SGSM1: variants seen among roughly 807,000 people sequenced by gnomAD.
The protein encoded by SGSM1 is small G protein signaling modulator 1.
Under a neutral mutation model 133.8 loss-of-function variants are expected in SGSM1, and 73 were observed. The observed-to-expected ratio is 0.55, with a 90% CI of 0.45 to 0.66. SGSM1 has a LOEUF of 0.66. Ranked by LOEUF, SGSM1 falls within the 30% of genes least tolerant of loss-of-function variation. The pLI is 0.00. For synonymous variants in SGSM1, 563 were observed against 573.0 expected (o/e 0.98, Z 0.25); for missense variants, 1,213 against 1,448.1 (o/e 0.84, Z 2.64).
At chr22:24,900,392 T>TTTCTTTCTTTCTTTC (rs1933105499) in intron 19 of SGSM1, among the ~76,000 whole-genome samples, 1 of 76,518 alleles carries the variant, frequency 1.3e-5, no homozygotes, top group African/African-American at 4.2e-5. Context: ...TCTTTCTTTC[T>TTTCTTTCTTTCTTTC]TTCTTTCTTT....
At chr22:24,881,202 A>AC in intron 14 of SGSM1, among the ~76,000 whole-genome samples, 1 of 140,790 alleles carries the variant, frequency 7.1e-6, no homozygotes, top group Non-Finnish European at 1.5e-5. Context: ...CAAAAAAAAA[A>AC]AAAAAAAAAA....
At position 24,893,433 on chromosome 22, in the gene SGSM1, G is replaced by A. The variant is rs2123694316; in HGVS notation, c.1773G>A (p.Val591=). 2.5e-6 allele frequency: 4 copies of A among 1,613,550 alleles called. No individual in the cohort carries two copies. Among genetic ancestry groups the A allele is most frequent in the Admixed American group, 1.7e-5 (1 of 59,936 alleles). The change falls in exon 17 of 25, where the codon GTG becomes GTA. Residue 591 remains valine (V), a splice_region_variant and synonymous_variant. Coordinates refer to ENST00000400358, the MANE Select transcript of SGSM1 (RefSeq NM_001098497.3). ...TGACATTGCATCTGCCCTGGCAGGT[G>A]GACGAGCAGATTCATGCCTGCTATG... The part of the protein sequence containing the change: ...FGMTETERKE[V]DEQIHACYAQ...
At chr22:24,899,006 A>G (rs1162346445) in intron 19 of SGSM1, among the ~76,000 whole-genome samples, 1 of 141,716 alleles carries the variant, frequency 7.1e-6, no homozygotes, top group Non-Finnish European at 1.5e-5. Flanking sequence ...CAGCCTGGAC[A>G]ACAGAGCAAG....
At chr22:24,859,509 A>T (rs1402821232) in intron 8 of SGSM1, 1 of 665,976 alleles carries the variant, frequency 1.5e-6, no homozygotes, top group Non-Finnish European at 2.7e-6. Flanking sequence ...GACGATGTAG[A>T]ACCCATTTGG....
chr22:24,925,737 A>C lies in SGSM1; in HGVS notation c.*1463A>C, dbSNP rs188171767. On this transcript the variant is annotated 3_prime_UTR_variant, in exon 25 of 25. Transcript: ENST00000400358. ...GTTACTCACTCAGGACAAAGGAGGA[A>C]AAGGAAGGCAGAGGTCAGCCAGGGT... is the stretch of plus-strand genomic sequence containing the variant. 3 of 152,426 alleles carry C rather than the reference A, an allele frequency of 2.0e-5. No individual in the cohort carries two copies. The highest frequency in any genetic ancestry group is 7.2e-5 in the African/African-American group (3 of 41,554). The allele number at this position is 152,426 out of a possible 1,614,324, so 9.4% of individuals were successfully genotyped here.
In SGSM1 at chr22:24,897,586, G is replaced by GC. The variant is rs200525781; in HGVS notation, c.2023-382dup. Among the ~76,000 whole-genome samples the GC allele has an allele frequency of 6.1e-3, 925 of 152,170 alleles. 6 individuals carry two copies. The highest frequency in any genetic ancestry group is 9.5e-3 in the Non-Finnish European group (645 of 67,996). On this transcript the variant is annotated intron_variant, in intron 18 of 24. Coordinates refer to ENST00000400358, the MANE Select transcript of SGSM1 (RefSeq NM_001098497.3). ...AGGCTTGGGTGATTCTCCCACCTCA[G>GC]CCCCTCAAGTAGCTGAGACCACATG...
intron 9 of SGSM1, among the ~76,000 whole-genome samples, chr22:24,862,921 C>G (rs1266010506): frequency 6.6e-6 from 1 of 152,134 alleles, no homozygotes; most frequent in African/African-American, 2.4e-5. Flanking sequence ...GCAGGGGCTT[C>G]TCAAACACTG....
chr22:24,834,316 C>T (rs937931496), intron 2 of SGSM1, among the ~76,000 whole-genome samples: 1 of 152,372 alleles, frequency 6.6e-6, no homozygotes, highest in East Asian at 1.9e-4. Context: ...CGAAGTAGAC[C>T]AGCCTGCTGG....
In SGSM1 at chr22:24,868,809, G is replaced by A. The variant is rs201828420; in HGVS notation, c.1245G>A (p.Thr415=). 34 of 1,613,998 alleles carry A rather than the reference G, an allele frequency of 2.1e-5. No homozygotes were observed. Among genetic ancestry groups the A allele is most frequent in the Middle Eastern group, 1.7e-4 (1 of 6,044 alleles). ...CAGACAAAGATGATGATGAGGCCACGGATTATGTGTTCAGGATCATCTACC... is the reference window on the plus strand; with the variant it reads ...CAGACAAAGATGATGATGAGGCCACAGATTATGTGTTCAGGATCATCTACC... The part of the protein sequence containing the change: ...TSSDKDDDEA[T]DYVFRIIYPG... The change falls in exon 12 of 25, where the codon ACG becomes ACA. Residue 415 remains threonine, a synonymous_variant. Coordinates refer to ENST00000400358, the MANE Select transcript of SGSM1 (RefSeq NM_001098497.3).
At chr22:24,857,664 T>C (rs746383153) in intron 8 of SGSM1, among the ~76,000 whole-genome samples, 3 of 152,246 alleles carry the variant, frequency 2.0e-5, no homozygotes, top group African/African-American at 4.8e-5. Flanking sequence ...CGTATCACTT[T>C]TTGACTTAGA....
At chr22:24,838,122 T>A (rs957507382) in intron 2 of SGSM1, among the ~76,000 whole-genome samples, 4 of 152,194 alleles carry the variant, frequency 2.6e-5, no homozygotes, top group Non-Finnish European at 5.9e-5. Flanking sequence ...TGGTATAAGG[T>A]AAGGGTCCAA....
At chr22:24,924,089 A>T in intron 24 of SGSM1, 97 bp from the exon 25 acceptor site, 1 of 1,050,068 alleles carries the variant, frequency 9.5e-7, no homozygotes, top group Non-Finnish European at 1.5e-6. Context: ...TCAATCTGTG[A>T]TGGAGATGCC....
chr22:24,876,776 G>T (rs1301913494), intron 13 of SGSM1, 61 bp downstream of exon 13: 2 of 1,604,582 alleles, frequency 1.2e-6, no homozygotes, highest in Non-Finnish European at 1.7e-6. Context: ...ATCTGTAGAT[G>T]CCCATGTCTT....
chr22:24,886,552 C>A (rs537781541), intron 15 of SGSM1, 48 bp from the exon 16 acceptor site: 2 of 1,540,992 alleles, frequency 1.3e-6, no homozygotes, highest in African/African-American at 2.7e-5. Context: ...AAAACCACCC[C>A]CTGGTTTTCT....
chr22:24,915,773 C>A (rs765468598), intron 22 of SGSM1, among the ~76,000 whole-genome samples: 1 of 152,076 alleles, frequency 6.6e-6, no homozygotes, highest in Non-Finnish European at 1.5e-5. Context: ...CCCTGCTGTG[C>A]GATCAAATAG....
intron 2 of SGSM1, among the ~76,000 whole-genome samples, chr22:24,810,044 G>A (rs1182968778): frequency 2.6e-5 from 4 of 152,116 alleles, no homozygotes; most frequent in Non-Finnish European, 5.9e-5. Context: ...TGAAGGAACC[G>A]AAGTGACCGG....
chr22:24,865,322 C>A (rs1295118182), intron 9 of SGSM1, among the ~76,000 whole-genome samples: 1 of 152,168 alleles, frequency 6.6e-6, no homozygotes, highest in African/African-American at 2.4e-5. Context: ...CTGTGGGAGC[C>A]CAGAGAAGAC....
At position 24,912,683 on chromosome 22, in the gene SGSM1, G is replaced by T. The variant is rs1933673668; in HGVS notation, c.2859G>T (p.Arg953Ser). ...GCTGCTTCACGGAGCTCATGAAGAG[G>T]ATGAACCAGAACTTCCCCCACGGAG... ...AFSCFTELMKRMNQNFPHGGA... is the reference protein window; with the variant it reads ...AFSCFTELMKSMNQNFPHGGA... Residue 953 changes from arginine to serine, a missense_variant, in exon 22 of 25, where the codon AGG becomes AGT. Physicochemically the swap from Arg to Ser is moderately radical, Grantham distance 110. Transcript: ENST00000400358. 1 of 1,613,708 alleles carries T rather than the reference G, an allele frequency of 6.2e-7. No individual in the cohort carries two copies. Among genetic ancestry groups the T allele is most frequent in the African/African-American group, 1.3e-5 (1 of 74,922 alleles).
At chr22:24,865,397 C>A (rs1471901332) in intron 9 of SGSM1, among the ~76,000 whole-genome samples, 2 of 152,280 alleles carry the variant, frequency 1.3e-5, no homozygotes, top group Non-Finnish European at 2.9e-5. Flanking sequence ...TCTTGACTGT[C>A]CTCGAAGGAC....
Sources: gnomAD v4.1 joint callset for allele counts (sites outside exome capture counted in the v4.1 genomes callset) on GRCh38, gnomAD v4.1.1 for gene constraint, MANE v1.5 for transcripts, NCBI Gene and HGNC (gene_info 2026-07-23, HGNC 2026-07-21) for gene names.